Variants in HCN1 observed in about 807,000 individuals in gnomAD.
The protein encoded by HCN1 is hyperpolarization activated cyclic nucleotide gated potassium channel 1, also known as potassium/sodium hyperpolarization-activated cyclic nucleotide-gated channel 1.
HCN1 carries 13 observed loss-of-function variants against 78.9 expected under a neutral mutation model. The ratio of observed to expected loss-of-function variants is 0.16; its 90% CI spans 0.11 to 0.26. The LOEUF is 0.26. Ranked by LOEUF, HCN1 falls within the 10% of genes least tolerant of loss-of-function variation. The pLI, the probability that HCN1 is intolerant of heterozygous loss-of-function variation, is 1.00. For synonymous variants in HCN1, 552 were observed against 455.5 expected (o/e 1.21, Z -2.70); for missense variants, 810 against 1,154.3 (o/e 0.70, Z 4.32).
Position 45,537,714 on chromosome 5 carries a change from C to T in HCN1, c.850-75707G>A, listed in dbSNP as rs530485787. ...CACCATGCCTGGCTAATTTTTGTAT[C>T]TAGGTCTTTTATTCACTCTGTTACC... On this transcript the variant is annotated intron_variant, in intron 2 of 7. Coordinates refer to ENST00000303230, the MANE Select transcript of HCN1 (RefSeq NM_021072.4). Among the ~76,000 whole-genome samples the T allele has an allele frequency of 3.6e-4, 54 of 150,908 alleles. No homozygotes were observed. In the South Asian group the frequency reaches 0.01, roughly 29 times the overall value.
At chr5:45,640,577 CTTTT>C (rs1319334376) in intron 2 of HCN1, among the ~76,000 whole-genome samples, 4 of 138,602 alleles carry the variant, frequency 2.9e-5, no homozygotes, top group Admixed American at 7.3e-5. Flanking sequence ...AAGTCTGATT[CTTTT>C]TTTTTTTTTT....
intron 2 of HCN1, among the ~76,000 whole-genome samples, chr5:45,479,553 G>A (rs185397108): frequency 2.4e-3 from 359 of 152,254 alleles, no homozygotes; most frequent in African/African-American, 8.2e-3. Context: ...AAAGGCAATT[G>A]AAGAAACAGA....
intron 2 of HCN1, among the ~76,000 whole-genome samples, chr5:45,600,519 A>G (rs1579993181): frequency 6.6e-6 from 1 of 152,208 alleles, no homozygotes; most frequent in Non-Finnish European, 1.5e-5. Flanking sequence ...AAATTATACT[A>G]CCAGTATACT....
chr5:45,308,973 C>G (rs943169238), intron 5 of HCN1, among the ~76,000 whole-genome samples: 13 of 152,144 alleles, frequency 8.5e-5, no homozygotes, highest in Non-Finnish European at 1.3e-4. Context: ...GCCATTTTAA[C>G]AATATTGATT....
chr5:45,372,091 A>ATTATATATTATATATAATATAATTATAT lies in HCN1; in HGVS notation c.1231-18846_1231-18845insATATAATTATATTATATATAATATATAA, dbSNP rs1435177501. On this transcript the variant is annotated intron_variant, in intron 4 of 7. Transcript: ENST00000303230. ...TATATATTATATATAATATAATTAT[A>ATTATATATTATATATAATATAATTATAT]TATATATTTTATATATAATATAATT... Among the ~76,000 whole-genome samples the ATTATATATTATATATAATATAATTATAT allele has an allele frequency of 5.1e-5, 3 of 58,772 alleles. No homozygotes were observed. The South Asian group carries it at 1.3e-3, about 26-fold the overall frequency. The allele number at this position is 58,772 out of a possible 152,430, so 38.6% of individuals were successfully genotyped here. A position where few individuals can be genotyped will look rare whatever the true frequency, so the allele number is the denominator to read the frequency against.
chr5:45,363,139 T>C (rs1402707952), intron 4 of HCN1, among the ~76,000 whole-genome samples: 1 of 94,624 alleles, frequency 1.1e-5, no homozygotes, highest in Non-Finnish European at 2.0e-5. Context: ...ATATTATATA[T>C]ATATACATAT....
intron 1 of HCN1, among the ~76,000 whole-genome samples, chr5:45,656,769 A>G (rs1393512676): frequency 6.6e-6 from 1 of 152,226 alleles, no homozygotes. Flanking sequence ...AGTTCTGTTT[A>G]TAAATTTCAT....
rs568101361 is a variant in HCN1 at position 45,666,006 on chromosome 5, C to CT, written c.426-20399dup. On this transcript the variant is annotated intron_variant, in intron 1 of 7. Transcript: ENST00000303230. ...GCTCCCTGTAAGTACTTGTAATACTCTCCCCCCAAGTTCTCTTCTTGACAT... is the reference window on the plus strand; with the variant it reads ...GCTCCCTGTAAGTACTTGTAATACTCTTCCCCCCAAGTTCTCTTCTTGACAT... 2.4e-4 allele frequency among the ~76,000 whole-genome samples: 36 copies of CT among 152,082 alleles called. No individual in the cohort carries two copies. The East Asian group carries it at 5.4e-3, about 23-fold the overall frequency.
intron 5 of HCN1, among the ~76,000 whole-genome samples, chr5:45,349,540 A>G (rs1347251842): frequency 1.3e-5 from 2 of 152,228 alleles, no homozygotes; most frequent in Non-Finnish European, 2.9e-5. Flanking sequence ...GAACTGAAGG[A>G]AATAGAGACA....
At chr5:45,442,421 C>A (rs1298271376) in intron 3 of HCN1, among the ~76,000 whole-genome samples, 2 of 151,930 alleles carry the variant, frequency 1.3e-5, no homozygotes, top group African/African-American at 2.4e-5. Flanking sequence ...TGAGGGCCTG[C>A]TGGCTCTAAA....
At chr5:45,363,359 G>C (rs1182364562) in intron 4 of HCN1, among the ~76,000 whole-genome samples, 1 of 151,274 alleles carries the variant, frequency 6.6e-6, no homozygotes. Context: ...ATGGTCTTCT[G>C]GGGGGTGAGG....
chr5:45,537,563 G>A (rs1291507680), intron 2 of HCN1, among the ~76,000 whole-genome samples: 1 of 51,388 alleles, frequency 1.9e-5, no homozygotes, highest in Non-Finnish European at 3.7e-5. Flanking sequence ...TTTTGAGACA[G>A]AGTTTCGCTC....
chr5:45,394,405 A>G (rs964600277), intron 4 of HCN1, among the ~76,000 whole-genome samples: 9 of 152,334 alleles, frequency 5.9e-5, no homozygotes, highest in Middle Eastern at 6.8e-3. Flanking sequence ...ATAAAAAGAT[A>G]ATAATTTAGC....
At chr5:45,401,246 T>G (rs1416550769) in intron 3 of HCN1, among the ~76,000 whole-genome samples, 1 of 152,164 alleles carries the variant, frequency 6.6e-6, no homozygotes, top group Non-Finnish European at 1.5e-5. Context: ...TGAGAAATAA[T>G]AACCCATTGT....
intron 2 of HCN1, among the ~76,000 whole-genome samples, chr5:45,494,774 G>C (rs1741986888): frequency 6.6e-6 from 1 of 152,146 alleles, no homozygotes; most frequent in Non-Finnish European, 1.5e-5. Context: ...ATTAATTTTT[G>C]TCTAAGGTGT....
intron 2 of HCN1, among the ~76,000 whole-genome samples, chr5:45,537,196 G>C (rs903080318): frequency 2.6e-5 from 4 of 152,068 alleles, no homozygotes; most frequent in African/African-American, 9.7e-5. Context: ...ACATCACAAG[G>C]TGCAGTTTCT....
At chr5:45,310,506 C>A (rs1340319116) in intron 5 of HCN1, among the ~76,000 whole-genome samples, 3 of 151,968 alleles carry the variant, frequency 2.0e-5, no homozygotes, top group African/African-American at 7.2e-5. Context: ...ATTAAAAAGT[C>A]AAAAAATAAC....
At chr5:45,347,065 A>G (rs1295261575) in intron 5 of HCN1, among the ~76,000 whole-genome samples, 2 of 152,200 alleles carry the variant, frequency 1.3e-5, no homozygotes, top group African/African-American at 4.8e-5. Context: ...CTGCCTCCCC[A>G]AGTGGGTCCC....
chr5:45,592,804 T>C (rs750448256), intron 2 of HCN1, among the ~76,000 whole-genome samples: 14 of 152,192 alleles, frequency 9.2e-5, no homozygotes, highest in Non-Finnish European at 1.6e-4. Context: ...CTAGGTAATG[T>C]CTTTTTTAAC....
Sources: gnomAD v4.1 joint callset for allele counts (sites outside exome capture counted in the v4.1 genomes callset) on GRCh38, gnomAD v4.1.1 for gene constraint, MANE v1.5 for transcripts, NCBI Gene and HGNC (gene_info 2026-07-23, HGNC 2026-07-21) for gene names.